CDK17: variants seen among roughly 807,000 people sequenced by gnomAD.
The protein encoded by CDK17 is cyclin-dependent kinase 17.
A neutral mutation model predicts 77.6 loss-of-function variants in CDK17; 24 were observed. The ratio of observed to expected loss-of-function variants is 0.31; its 90% confidence interval spans 0.22 to 0.44. The LOEUF is 0.44. Ranked by LOEUF, CDK17 falls within the 20% of genes least tolerant of loss-of-function variation. The pLI is 1.00. For missense variants in CDK17, 429 were observed against 622.5 expected, an observed-to-expected ratio of 0.69 and a Z score of 3.31; for synonymous variants, 203 against 210.4, an observed-to-expected ratio of 0.96 and a Z score of 0.30.
chr12:96,303,954 A>T (rs965411961), intron 5 of CDK17, among the ~76,000 whole-genome samples: 10 of 152,188 alleles, frequency 6.6e-5, no homozygotes, highest in African/African-American at 2.4e-4. Context: ...TTTTCCCTAT[A>T]CATATTAAAT....
intron 1 of CDK17, among the ~76,000 whole-genome samples, chr12:96,355,401 T>G (rs373746374): frequency 4.2e-4 from 49 of 116,860 alleles, no homozygotes; most frequent in Middle Eastern, 4.4e-3. Context: ...ACATTGGGTT[T>G]TTTTTTTTTT....
intron 1 of CDK17, among the ~76,000 whole-genome samples, chr12:96,373,660 G>A (rs939925155): frequency 1.3e-5 from 2 of 151,992 alleles, no homozygotes; most frequent in Non-Finnish European, 2.9e-5. Flanking sequence ...AGTGACTCAC[G>A]CCTGTAATCC....
At chr12:96,316,140 C>T (rs940511505) in intron 3 of CDK17, among the ~76,000 whole-genome samples, 1 of 152,156 alleles carries the variant, frequency 6.6e-6, no homozygotes, top group Non-Finnish European at 1.5e-5. Flanking sequence ...ATTGCCTCAC[C>T]TGGGAAGCGC....
At chr12:96,286,445 TTC>T (rs1287197355) in intron 12 of CDK17, among the ~76,000 whole-genome samples, 4 of 152,106 alleles carry the variant, frequency 2.6e-5, no homozygotes, top group African/African-American at 4.8e-5. Flanking sequence ...ACTAATTATG[TTC>T]TGTTTTTCCA....
chr12:96,391,169 T>C (rs188653289), intron 1 of CDK17, among the ~76,000 whole-genome samples: 1 of 152,298 alleles, frequency 6.6e-6, no homozygotes, highest in Non-Finnish European at 1.5e-5. Context: ...AATGCACTGT[T>C]TGATCCTTTG....
chr12:96,280,176 C>A lies in CDK17; in HGVS notation c.*66G>T. 6.7e-7 allele frequency: 1 copy of A among 1,489,190 alleles called. No individual in the cohort carries two copies. The highest frequency in any genetic ancestry group is 9.1e-7 in the Non-Finnish European group (1 of 1,102,940). 92.2% of individuals were successfully genotyped at this position (1,489,190 alleles called of 1,614,324 possible). On this transcript the variant is annotated 3_prime_UTR_variant, in exon 17 of 17. Coordinates refer to ENST00000261211, the MANE Select transcript of CDK17 (RefSeq NM_002595.5). ...CAAGTCCACCAAAAGAAATAATTGC[C>A]TTCAGTTCTGAGTCCTTGATTGGTA...
chr12:96,308,731 AAATAATAATAAT>A (rs34304107), intron 5 of CDK17, among the ~76,000 whole-genome samples: 39 of 132,572 alleles, frequency 2.9e-4, no homozygotes, highest in African/African-American at 8.2e-4. Context: ...CCGTCTCCAA[AAATAATAATAAT>A]AATAATAATA....
At chr12:96,338,398 C>T (rs1367940887) in intron 1 of CDK17, among the ~76,000 whole-genome samples, 2 of 152,160 alleles carry the variant, frequency 1.3e-5, no homozygotes, top group Non-Finnish European at 2.9e-5. Flanking sequence ...TCTATGAGTC[C>T]TTCGAGCAAA....
chr12:96,284,210 C>T lies in CDK17; in HGVS notation c.1323-565G>A, dbSNP rs377587622. On this transcript the variant is annotated intron_variant, in intron 13 of 16. Coordinates refer to ENST00000261211, the MANE Select transcript of CDK17 (RefSeq NM_002595.5). ...TGGTGGCCAGGTGCAGTGGCTCACG[C>T]CTGTAATCCCAGCACTTTGGGAGGC... Among the ~76,000 whole-genome samples the T allele has an allele frequency of 2.1e-4, 32 of 152,236 alleles. No individual in the cohort carries two copies. In the South Asian group the frequency reaches 6.2e-3, roughly 30 times the overall value.
intron 1 of CDK17, among the ~76,000 whole-genome samples, chr12:96,376,557 T>C (rs1953785365): frequency 6.6e-6 from 1 of 152,196 alleles, no homozygotes. Context: ...CCCAAATGTC[T>C]GTTACAAGCT....
At chr12:96,318,041 A>G (rs1952757600) in intron 3 of CDK17, among the ~76,000 whole-genome samples, 1 of 152,180 alleles carries the variant, frequency 6.6e-6, no homozygotes, top group East Asian at 1.9e-4. Context: ...AGTGTGCTGT[A>G]TTCAGGAAAC....
chr12:96,298,950 T>G lies in CDK17; in HGVS notation c.634A>C (p.Lys212Gln). 1 of 1,605,274 alleles carries G rather than the reference T, an allele frequency of 6.2e-7. No individual in the cohort carries two copies. The highest frequency in any genetic ancestry group is 1.1e-5 in the South Asian group (1 of 90,830). ...AATGCCACCAAATTCTCTGTCAATT[T>G]ACTTCTTCCTTTATATACTGTTGCA... ...TYATVYKGRS[K>Q]LTENLVALKE... The change falls in exon 7 of 17, where the codon AAA becomes CAA. Residue 212 changes from lysine (K) to glutamine (Q), a missense_variant. Lys to Gln is a moderately conservative substitution (Grantham distance 53). This residue lies in a region of CDK17 where 262 missense variants were observed against 385.4 expected (regional missense o/e 0.68). Transcript: ENST00000261211.
At chr12:96,396,155 T>C (rs1210930791) in intron 1 of CDK17, among the ~76,000 whole-genome samples, 1 of 152,232 alleles carries the variant, frequency 6.6e-6, no homozygotes, top group African/African-American at 2.4e-5. Flanking sequence ...TACTGGTAGA[T>C]GTCTATTGAT....
intron 13 of CDK17, chr12:96,285,708 C>T (rs1420285534): frequency 4.4e-5 from 7 of 159,892 alleles, no homozygotes; most frequent in Non-Finnish European, 9.5e-5. Flanking sequence ...TGATAGGTTA[C>T]CTTGTGTTAT....
At chr12:96,368,030 G>C (rs1265578782) in intron 1 of CDK17, among the ~76,000 whole-genome samples, 1 of 151,996 alleles carries the variant, frequency 6.6e-6, no homozygotes, top group Non-Finnish European at 1.5e-5. Flanking sequence ...TCAAGAAAAG[G>C]GTGAGTTTAC....
chr12:96,360,013 G>C (rs1210971519), intron 1 of CDK17, among the ~76,000 whole-genome samples: 1 of 152,088 alleles, frequency 6.6e-6, no homozygotes, highest in Non-Finnish European at 1.5e-5. Flanking sequence ...TTAGGGGAAG[G>C]TAACCTACAC....
intron 14 of CDK17, among the ~76,000 whole-genome samples, chr12:96,283,015 G>A (rs1952196837): frequency 6.6e-6 from 1 of 151,814 alleles, no homozygotes; most frequent in Non-Finnish European, 1.5e-5. Flanking sequence ...TACAACCTAG[G>A]TTTGTTCAAG....
intron 6 of CDK17, among the ~76,000 whole-genome samples, chr12:96,299,478 C>T (rs1489151218): frequency 6.7e-6 from 1 of 150,280 alleles, no homozygotes; most frequent in Non-Finnish European, 1.5e-5. Context: ...GTAACCTCCA[C>T]CTTCCGGTTC....
intron 2 of CDK17, among the ~76,000 whole-genome samples, chr12:96,333,095 G>C (rs958553246): frequency 6.6e-6 from 1 of 151,908 alleles, no homozygotes; most frequent in Admixed American, 6.6e-5. Context: ...ACATTGGCAA[G>C]ACCCTTCTAT....
Sources: gnomAD v4.1 joint callset for allele counts (sites outside exome capture counted in the v4.1 genomes callset) on GRCh38, gnomAD v4.1.1 for gene constraint, gnomAD v4.1.1 regional missense constraint, MANE v1.5 for transcripts, NCBI Gene and HGNC (gene_info 2026-07-23, HGNC 2026-07-21) for gene names.